The following KNDC1 variants were observed in gnomAD, a reference collection of about 807,000 sequenced individuals.
KNDC1 encodes the protein kinase non-catalytic C-lobe domain containing 1.
In KNDC1, 106 loss-of-function variants were observed where a neutral mutation model predicts 172.8. The observed-to-expected ratio is 0.61, with a 90% CI of 0.52 to 0.72. The LOEUF is 0.72. KNDC1 is among the 30% of genes least tolerant of loss of function. The pLI, the probability that KNDC1 is intolerant of heterozygous loss-of-function variation, is 0.00. For synonymous variants in KNDC1, 1,083 were observed against 1,062.2 expected (o/e 1.02, Z -0.38); for missense variants, 2,325 against 2,394.5 (o/e 0.97, Z 0.61).
In KNDC1 at chr10:133,163,952, C is replaced by T. The variant is rs1414659547; in HGVS notation, c.102+3383C>T. On this transcript the variant is annotated intron_variant, in intron 1 of 29. Coordinates refer to ENST00000304613, the MANE Select transcript of KNDC1 (RefSeq NM_152643.8). The surrounding 1 kb of genome is among the most constrained non-coding windows in gnomAD (Gnocchi z 4.4). ...CACCTGCCTTCCCAAATCCCTCCTC[C>T]CACCTGGGATGGGGGTGGAGTTCGT... 1.1e-5 allele frequency among the ~76,000 whole-genome samples: 1 copy of T among 92,648 alleles called. No homozygotes were observed. The highest frequency in any genetic ancestry group is 2.4e-5 in the Non-Finnish European group (1 of 42,170). The allele number at this position is 92,648 out of a possible 152,430, so 60.8% of individuals were successfully genotyped here. A position where few individuals can be genotyped will look rare whatever the true frequency, so the allele number is the denominator to read the frequency against.
intron 10 of KNDC1, among the ~76,000 whole-genome samples, 191 bp downstream of exon 10, chr10:133,196,012 C>T (rs1384759881): frequency 1.3e-5 from 2 of 152,240 alleles, no homozygotes; most frequent in Admixed American, 1.3e-4. Context: ...GGTTTCGCGT[C>T]ATGGCCACGT....
intron 17 of KNDC1, among the ~76,000 whole-genome samples, chr10:133,203,850 G>T (rs1036707838): frequency 4.3e-4 from 66 of 152,238 alleles, no homozygotes; most frequent in African/African-American, 1.5e-3. Context: ...TGGTTCCCGC[G>T]TGAGGAGCGC....
Position 133,210,719 on chromosome 10 carries a change from G to A in KNDC1, c.3903G>A (p.Leu1301=), listed in dbSNP as rs780640304. 6.8e-6 allele frequency: 11 copies of A among 1,612,044 alleles called. No individual in the cohort carries two copies. The highest frequency in any genetic ancestry group is 7.6e-6 in the Non-Finnish European group (9 of 1,178,086). Residue 1301 remains leucine (L), a synonymous_variant, in exon 21 of 30, where the codon CTG becomes CTA. Coordinates refer to ENST00000304613, the MANE Select transcript of KNDC1 (RefSeq NM_152643.8). ...TCCTCGACCGCATCAACAGCACGCT[G>A]ACCAGGTACCAAGCTCCACAGCTCC... is the stretch of plus-strand genomic sequence containing the variant. The part of the protein sequence containing the change: ...HFLLDRINST[L]TRAHQDPTST...
At chr10:133,189,530 C>A (rs1180063748) in intron 7 of KNDC1, 68 bp from the exon 8 acceptor site, 1 of 1,487,350 alleles carries the variant, frequency 6.7e-7, no homozygotes, top group African/African-American at 1.4e-5. Flanking sequence ...CTCCGCAGCT[C>A]CTTCCCCCCA....
chr10:133,164,795 C>T (rs941451522), intron 1 of KNDC1, among the ~76,000 whole-genome samples: 8 of 152,262 alleles, frequency 5.3e-5, no homozygotes, highest in South Asian at 2.1e-4. Flanking sequence ...TGAGGGTGGT[C>T]GTGGGGTTGT....
chr10:133,175,933 GATGGATGGGTGGGTGA>G (rs1853522739), intron 3 of KNDC1, among the ~76,000 whole-genome samples: 1 of 149,230 alleles, frequency 6.7e-6, no homozygotes, highest in Non-Finnish European at 1.5e-5. Context: ...TGAATGCATG[GATGGATGGGTGGGTGA>G]ATGGATGGGT....
chr10:133,174,559 T>C (rs1038888621), intron 3 of KNDC1, among the ~76,000 whole-genome samples: 1 of 152,188 alleles, frequency 6.6e-6, no homozygotes, highest in African/African-American at 2.4e-5. Context: ...GGTTGGAGCA[T>C]AGATTATTGA....
At position 133,211,574 on chromosome 10, in the gene KNDC1, CAGTG is replaced by C; in HGVS notation, c.4056+6_4056+9del. 6.2e-7 allele frequency: 1 copy of C among 1,612,702 alleles called. No individual in the cohort carries two copies. Among genetic ancestry groups the C allele is most frequent in the Non-Finnish European group, 8.5e-7 (1 of 1,179,080 alleles). On this transcript the variant is annotated splice_donor_region_variant and intron_variant, in intron 22 of 29. Coordinates refer to ENST00000304613, the MANE Select transcript of KNDC1 (RefSeq NM_152643.8). ...GAGGACTTCATCTCCTCCAAGGTGA[CAGTG>C]GCGCTGAGCTGGGCGGCCGCACCCG... is the stretch of plus-strand genomic sequence containing the variant.
chr10:133,161,810 C>T (rs1852980438), intron 1 of KNDC1, among the ~76,000 whole-genome samples: 1 of 152,328 alleles, frequency 6.6e-6, no homozygotes, highest in South Asian at 2.1e-4. Context: ...GGAGGCGGCC[C>T]TGAGGACGCA....
intron 3 of KNDC1, among the ~76,000 whole-genome samples, chr10:133,172,257 C>G (rs562958742): frequency 6.6e-6 from 1 of 152,226 alleles, no homozygotes; most frequent in African/African-American, 2.4e-5. Flanking sequence ...CACCGCGAGT[C>G]CCCCTTGATG....
intron 29 of KNDC1, 107 bp downstream of exon 29, chr10:133,220,219 G>C (rs1371981188): frequency 3.4e-6 from 2 of 594,422 alleles, no homozygotes; most frequent in African/African-American, 4.8e-5. Flanking sequence ...GAGAGGAGGG[G>C]CTCAGGCGGC....
At chr10:133,182,376 C>A (rs1178071724) in intron 3 of KNDC1, among the ~76,000 whole-genome samples, 5 of 152,180 alleles carry the variant, frequency 3.3e-5, no homozygotes, top group African/African-American at 1.2e-4. Flanking sequence ...AGGTGCGTGT[C>A]CACTCAGCCA....
chr10:133,176,669 C>T (rs1853546648), intron 3 of KNDC1, among the ~76,000 whole-genome samples: 1 of 152,216 alleles, frequency 6.6e-6, no homozygotes, highest in Non-Finnish European at 1.5e-5. Flanking sequence ...TCCTCCCTGA[C>T]CCATAGCCCA....
rs138174186 is a variant in KNDC1 at position 133,198,595 on chromosome 10, C to T, written c.2087C>T (p.Ala696Val). 1 of 1,595,002 alleles carries T rather than the reference C, an allele frequency of 6.3e-7. No individual in the cohort carries two copies. Among genetic ancestry groups the T allele is most frequent in the Non-Finnish European group, 8.5e-7 (1 of 1,170,052 alleles). The change falls in exon 14 of 30, where the codon GCC becomes GTC. Residue 696 changes from alanine to valine, a missense_variant. Coordinates refer to ENST00000304613, the MANE Select transcript of KNDC1 (RefSeq NM_152643.8). ...TCCCGTAGGGACCAGCCTGCCTTGG[C>T]CCAGGAGGAGTCCGAGGAGAGGGGC... ...ASVARDQPAL[A>V]QEESEERGGQ...
Position 133,212,560 on chromosome 10 carries a change from G to A in KNDC1, c.4237-156G>A, listed in dbSNP as rs184497328. The stretch of plus-strand genomic sequence containing the variant: ...GGCATCCTTGTGCCAGCACAGCTGC[G>A]GGTGGGCAGGCTGCTCTCTGGCTCT... On this transcript the variant is annotated intron_variant, in intron 23 of 29. Coordinates refer to ENST00000304613, the MANE Select transcript of KNDC1 (RefSeq NM_152643.8). Among the ~76,000 whole-genome samples, 276 of 152,342 alleles carry A rather than the reference G, an allele frequency of 1.8e-3. 2 individuals carry two copies. Among genetic ancestry groups the A allele is most frequent in the African/African-American group, 5.8e-3 (242 of 41,588 alleles).
chr10:133,211,360 C>G, intron 21 of KNDC1, 62 bp from the exon 22 acceptor site: 1 of 1,533,184 alleles, frequency 6.5e-7, no homozygotes, highest in African/African-American at 1.4e-5. Context: ...ACATGCAAGC[C>G]CCTGGGCCTC....
intron 9 of KNDC1, among the ~76,000 whole-genome samples, chr10:133,194,021 C>A (rs1246919967): frequency 6.6e-6 from 1 of 152,206 alleles, no homozygotes; most frequent in Non-Finnish European, 1.5e-5. Context: ...AACAATCAGA[C>A]TGTAAACCAG....
At chr10:133,194,399 A>G (rs974224725) in intron 9 of KNDC1, among the ~76,000 whole-genome samples, 2 of 152,208 alleles carry the variant, frequency 1.3e-5, no homozygotes, top group Non-Finnish European at 2.9e-5. Context: ...TTTTGTGCCA[A>G]TGGCGATGTG....
intron 26 of KNDC1, among the ~76,000 whole-genome samples, chr10:133,215,578 C>T (rs943235514): frequency 2.0e-5 from 3 of 152,272 alleles, no homozygotes; most frequent in African/African-American, 7.2e-5. Context: ...TTCCCTAAAC[C>T]AGAGCCTTCA....
Sources: allele counts gnomAD v4.1 joint callset (sites outside exome capture counted in the v4.1 genomes callset), GRCh38; gene constraint gnomAD v4.1.1; non-coding constraint Gnocchi (gnomAD v3.1); transcripts MANE v1.5; gene names NCBI Gene and HGNC (gene_info 2026-07-23, HGNC 2026-07-21).